The following MSL3 variants were observed in gnomAD, a reference collection of about 807,000 sequenced individuals.
MSL3 encodes MSL3-like 1.
Under a neutral mutation model 37.2 loss-of-function variants are expected in MSL3, and 5 were observed. The observed-to-expected ratio is 0.13, with a 90% CI of 0.07 to 0.28. The LOEUF (loss-of-function observed/expected upper bound fraction) is 0.28, where lower values mean the gene tolerates loss of function less well. Among genes scored for constraint, MSL3 ranks in the 10% least tolerant of loss-of-function variants. The probability of loss-of-function intolerance (pLI) is 1.00; values close to 1 mark genes in which losing one functional copy is unlikely to be tolerated. For synonymous variants in MSL3, 149 were observed against 147.6 expected (o/e 1.01, Z -0.07); for missense variants, 315 against 408.5 (o/e 0.77, Z 1.97).
intron 5 of MSL3, 114 bp from the exon 6 acceptor site, chrX:11,762,016 C>T (rs1339330755): frequency 2.3e-5 from 13 of 566,233 alleles, no homozygotes; most frequent in Admixed American, 4.0e-5. Context: ...AATTAGAACA[C>T]GTGGCATACT....
intron 12 of MSL3, among the ~76,000 whole-genome samples, chrX:11,773,485 C>T (rs906630747): frequency 6.3e-5 from 7 of 111,908 alleles, no homozygotes; most frequent in Admixed American, 9.5e-5. Flanking sequence ...CCAGGGAAAT[C>T]GTCTTGTGGT....
At chrX:11,765,873 C>CT in intron 9 of MSL3, 144 bp downstream of exon 9, 1 of 1,113,083 alleles carries the variant, frequency 9.0e-7, no homozygotes, top group Non-Finnish European at 1.2e-6. Context: ...ATGCTGCCTG[C>CT]TTTCTGGAGC....
Position 11,762,945 on chromosome X carries a change from C to A in MSL3, c.697C>A (p.His233Asn). 8.3e-7 allele frequency: 1 copy of A among 1,210,099 alleles called. No homozygotes were observed. Among genetic ancestry groups the A allele is most frequent in the Non-Finnish European group, 1.1e-6 (1 of 894,807 alleles). The stretch of plus-strand genomic sequence containing the variant: ...AGCCAATGAGAGGCCTCGTCACCAT[C>A]ACGTTATGCCACATGCCAACATGAA... The part of the protein sequence containing the change: ...FSANERPRHH[H>N]VMPHANMNVH... Residue 233 changes from histidine (H) to asparagine (N), a missense_variant, in exon 7 of 13, where the codon CAC (histidine) becomes AAC (asparagine). His to Asn is a moderately conservative substitution (Grantham distance 68). Transcript: ENST00000312196.
In MSL3 at chrX:11,774,979, G is replaced by T; in HGVS notation, c.1467-1G>T. Reference sequence around the variant, plus strand: ...TCATTGGGGCTATTTTTTTTTTCCAGGTTTTTAGCAGAATACCACGATGAC... The same window carrying T: ...TCATTGGGGCTATTTTTTTTTTCCATGTTTTTAGCAGAATACCACGATGAC... On this transcript the variant is annotated splice_acceptor_variant, in intron 12 of 12. Coordinates refer to ENST00000312196, the MANE Select transcript of MSL3 (RefSeq NM_078629.4). LOFTEE classifies it high-confidence loss of function. The T allele has an allele frequency of 8.3e-7, 1 of 1,199,027 alleles. No individual in the cohort carries two copies. Among genetic ancestry groups the T allele is most frequent in the Admixed American group, 2.2e-5 (1 of 44,666 alleles).
At chrX:11,770,371 G>A (rs2053222203) in intron 10 of MSL3, among the ~76,000 whole-genome samples, 1 of 111,946 alleles carries the variant, frequency 8.9e-6, no homozygotes, top group Non-Finnish European at 1.9e-5. Flanking sequence ...TTATTATTGA[G>A]GGGAAATCGT....
At chrX:11,759,596 G>T in intron 1 of MSL3, 197 bp from the exon 2 acceptor site, 1 of 1,060,935 alleles carries the variant, frequency 9.4e-7, no homozygotes, top group Non-Finnish European at 1.2e-6. Flanking sequence ...ATCACGGGGT[G>T]GTTGGACGGA....
At chrX:11,761,089 A>G (rs1341505786) in intron 4 of MSL3, 152 bp downstream of exon 4, 5 of 446,870 alleles carry the variant, frequency 1.1e-5, no homozygotes, top group East Asian at 3.9e-5. Context: ...AGCAGTCAAT[A>G]TAAGTCAGTA....
chrX:11,767,422 T>C (rs978337885), intron 9 of MSL3: 4 of 227,614 alleles, frequency 1.8e-5, no homozygotes, highest in South Asian at 2.2e-4. Context: ...AGGCCAGGAG[T>C]TCAAGATCAG....
chrX:11,762,076 A>G, intron 5 of MSL3, 54 bp from the exon 6 acceptor site: 1 of 985,670 alleles, frequency 1.0e-6, no homozygotes, highest in South Asian at 2.8e-5. Context: ...CCTTCCTTGG[A>G]TATTGACTCT....
chrX:11,766,763 A>C (rs1439911872), intron 9 of MSL3: 6 of 754,765 alleles, frequency 7.9e-6, no homozygotes, highest in Non-Finnish European at 7.8e-6. Context: ...GGCGCCAAGC[A>C]CCCAACTCCA....
Position 11,772,214 on chromosome X carries a change from C to T in MSL3, c.1340C>T (p.Pro447Leu). The change falls in exon 11 of 13, where the codon CCC (proline) becomes CTC (leucine). Residue 447 changes from proline (P) to leucine (L), a missense_variant. Coordinates refer to ENST00000312196, the MANE Select transcript of MSL3 (RefSeq NM_078629.4). ...CCCCCAGGTGACCAGCCGCCTCCAC[C>T]CTCTTACATTTATGGGGCACAACAT... ...NYPPGDQPPPPSYIYGAQHLL... is the reference protein window; with the variant it reads ...NYPPGDQPPPLSYIYGAQHLL... The T allele has an allele frequency of 8.3e-7, 1 of 1,209,626 alleles. No individual in the cohort carries two copies.
intron 12 of MSL3, among the ~76,000 whole-genome samples, chrX:11,774,413 A>G (rs1485171712): frequency 9.0e-6 from 1 of 111,258 alleles, no homozygotes; most frequent in African/African-American, 3.3e-5. Context: ...TCTGCCTCCC[A>G]GGTTCATGCC....
intron 1 of MSL3, chrX:11,759,492 C>T (rs1043620810): frequency 1.7e-5 from 10 of 588,262 alleles, no homozygotes; most frequent in Non-Finnish European, 2.0e-5. Context: ...GCTCTCAGGG[C>T]TGCAGCTTTC....
At chrX:11,770,481 T>C (rs1426548745) in intron 10 of MSL3, among the ~76,000 whole-genome samples, 3 of 112,029 alleles carry the variant, frequency 2.7e-5, no homozygotes, top group African/African-American at 6.5e-5. Context: ...CTGCAACTTA[T>C]AGTTTGAAAG....
chrX:11,767,103 G>A (rs1300615862), intron 9 of MSL3: 8 of 752,439 alleles, frequency 1.1e-5, no homozygotes, highest in Non-Finnish European at 1.3e-5. Context: ...ATAAGCTCCT[G>A]AGAGAAAGGT....
intron 4 of MSL3, 49 bp downstream of exon 4, chrX:11,760,986 A>T: frequency 1.1e-6 from 1 of 904,459 alleles, no homozygotes; most frequent in Non-Finnish European, 1.5e-6. Flanking sequence ...TTCCACCTAG[A>T]CTGAGAGAAG....
intron 1 of MSL3, 30 bp downstream of exon 1, chrX:11,758,395 G>T (rs952969368): frequency 5.8e-6 from 6 of 1,033,782 alleles, no homozygotes; most frequent in Non-Finnish European, 7.6e-6. Flanking sequence ...GGGAGGAGGC[G>T]CGGGCTGGGG....
chrX:11,768,626 G>A lies in MSL3; in HGVS notation c.1225G>A (p.Glu409Lys). The change falls in exon 10 of 13, where the codon GAA becomes AAA. Residue 409 changes from glutamate to lysine, a missense_variant. Physicochemically the swap from Glu to Lys is moderately conservative, Grantham distance 56. Coordinates refer to ENST00000312196, the MANE Select transcript of MSL3 (RefSeq NM_078629.4). ...ACCTATTCCTCTGACTCCTAGCAAG[G>A]AAGGGAGTGCTGTGTTTGCTGGCTT... is the stretch of plus-strand genomic sequence containing the variant. ...SSPIPLTPSK[E>K]GSAVFAGFEG... is the part of the protein sequence containing the mutation. 1 of 1,208,628 alleles carries A rather than the reference G, an allele frequency of 8.3e-7. No homozygotes were observed. The highest frequency in any genetic ancestry group is 1.1e-6 in the Non-Finnish European group (1 of 892,504).
In MSL3 at chrX:11,764,170, G is replaced by A. The variant is rs149591717; in HGVS notation, c.908+232G>A. 343 of 289,046 alleles carry A rather than the reference G, an allele frequency of 1.2e-3. 2 individuals are homozygous for A. The East Asian group carries it at 0.019, about 16-fold the overall frequency. The allele number at this position is 289,046 out of a possible 1,213,427, so 23.8% of individuals were successfully genotyped here. A position where few individuals can be genotyped will look rare whatever the true frequency, so the allele number is the denominator to read the frequency against. On this transcript the variant is annotated intron_variant, in intron 8 of 12. Coordinates refer to ENST00000312196, the MANE Select transcript of MSL3 (RefSeq NM_078629.4). The stretch of plus-strand genomic sequence containing the variant: ...TGAAGACCCCAGCATAGAGAACTTA[G>A]GTGGGATGATGAGCAGCTCTCCCAT...
Sources: allele counts gnomAD v4.1 joint callset (sites outside exome capture counted in the v4.1 genomes callset), GRCh38; gene constraint gnomAD v4.1.1; transcripts MANE v1.5; gene names NCBI Gene and HGNC (gene_info 2026-07-23, HGNC 2026-07-21).